CDK14: variants seen among roughly 807,000 people sequenced by gnomAD.
CDK14 encodes the protein cyclin dependent kinase 14.
Under a neutral mutation model 60.7 loss-of-function variants are expected in CDK14, and 34 were observed. That is an observed-to-expected ratio of 0.56 (90% CI 0.43 to 0.75). The LOEUF (loss-of-function observed/expected upper bound fraction) is 0.75. Among genes scored for constraint, CDK14 ranks in the 30% least tolerant of loss-of-function variants. CDK14 has a pLI of 0.00. For missense variants in CDK14, 482 were observed against 564.1 expected, an observed-to-expected ratio of 0.85 and a Z score of 1.47; for synonymous variants, 197 against 203.7, an observed-to-expected ratio of 0.97 and a Z score of 0.28.
At chr7:90,615,946 A>C (rs1177873364) in intron 2 of CDK14, among the ~76,000 whole-genome samples, 1 of 152,200 alleles carries the variant, frequency 6.6e-6, no homozygotes, top group Non-Finnish European at 1.5e-5. Flanking sequence ...ATATCCCTCA[A>C]GTGAGTTCAG....
intron 6 of CDK14, among the ~76,000 whole-genome samples, chr7:90,877,469 T>A (rs1046759262): frequency 3.3e-5 from 5 of 151,972 alleles, no homozygotes; most frequent in Admixed American, 6.6e-5. Context: ...GAATTTTCCA[T>A]CTTTTGGGTT....
chr7:90,984,683 T>C (rs1309874940), intron 10 of CDK14, among the ~76,000 whole-genome samples: 2 of 152,294 alleles, frequency 1.3e-5, no homozygotes, highest in East Asian at 3.9e-4. Context: ...TAAACAGTAC[T>C]TCCGTCAGGT....
Position 91,169,812 on chromosome 7 carries a change from A to T in CDK14, c.*29-37353A>T, listed in dbSNP as rs188690825. Among the ~76,000 whole-genome samples the T allele has an allele frequency of 3.9e-3, 600 of 152,346 alleles. 2 individuals carry two copies. The highest frequency in any genetic ancestry group is 6.8e-3 in the Non-Finnish European group (462 of 68,020). ...ATATTCTTCAGGTAGAAAAGAATGG[A>T]GGGAGGCTTTAGGCATGACTACCGT... On this transcript the variant is annotated intron_variant, in intron 14 of 14. Coordinates refer to ENST00000380050, the MANE Select transcript of CDK14 (RefSeq NM_001287135.2).
intron 2 of CDK14, among the ~76,000 whole-genome samples, chr7:90,704,398 T>G (rs1157268372): frequency 6.6e-6 from 1 of 152,218 alleles, no homozygotes; most frequent in African/African-American, 2.4e-5. Flanking sequence ...ATCCATTGTA[T>G]GCAAAATTGT....
chr7:91,007,182 G>A (rs756770670), intron 10 of CDK14, among the ~76,000 whole-genome samples: 1 of 152,158 alleles, frequency 6.6e-6, no homozygotes, highest in Non-Finnish European at 1.5e-5. Flanking sequence ...TCCCACCTTA[G>A]TGCCAGTGTT....
chr7:90,806,197 G>C (rs1246990233), intron 5 of CDK14, among the ~76,000 whole-genome samples: 4 of 152,080 alleles, frequency 2.6e-5, no homozygotes, highest in African/African-American at 2.4e-5. Flanking sequence ...AGGAAATCTG[G>C]TAGAAAATTT....
intron 2 of CDK14, among the ~76,000 whole-genome samples, chr7:90,652,400 G>A (rs1459882886): frequency 2.0e-5 from 3 of 152,112 alleles, no homozygotes; most frequent in African/African-American, 4.8e-5. Context: ...TAATAAATTC[G>A]TTACGCCTTT....
intron 6 of CDK14, among the ~76,000 whole-genome samples, 183 bp from the exon 7 acceptor site, chr7:90,899,108 A>G (rs1190430378): frequency 7.2e-5 from 11 of 151,946 alleles, no homozygotes; most frequent in Non-Finnish European, 2.9e-5. Flanking sequence ...GGGAAAAATA[A>G]TGATTCAATT....
chr7:90,610,480 TTAG>T (rs773749603), intron 2 of CDK14, among the ~76,000 whole-genome samples: 1 of 152,210 alleles, frequency 6.6e-6, no homozygotes, highest in Non-Finnish European at 1.5e-5. Flanking sequence ...CTTTCTTCTT[TTAG>T]TAGAAGGCTT....
chr7:90,820,137 TA>T (rs1789492227), intron 5 of CDK14, among the ~76,000 whole-genome samples: 1 of 152,204 alleles, frequency 6.6e-6, no homozygotes, highest in Non-Finnish European at 1.5e-5. Flanking sequence ...GAAGTTAATA[TA>T]TTTTTTAGTA....
At chr7:90,925,423 A>G (rs959532533) in intron 8 of CDK14, among the ~76,000 whole-genome samples, 1 of 152,242 alleles carries the variant, frequency 6.6e-6, no homozygotes, top group Non-Finnish European at 1.5e-5. Context: ...TAACTGAGGC[A>G]TAAGCAGAGG....
chr7:90,971,773 A>G (rs1794941629), intron 9 of CDK14, among the ~76,000 whole-genome samples: 1 of 152,160 alleles, frequency 6.6e-6, no homozygotes, highest in Non-Finnish European at 1.5e-5. Context: ...TAATAAATGT[A>G]CATAGTAATT....
At chr7:90,837,200 AAG>A (rs1254607910) in intron 5 of CDK14, among the ~76,000 whole-genome samples, 1 of 152,170 alleles carries the variant, frequency 6.6e-6, no homozygotes, top group Non-Finnish European at 1.5e-5. Context: ...AAGGTTGTAT[AAG>A]AGAAAGAATC....
intron 8 of CDK14, among the ~76,000 whole-genome samples, chr7:90,946,629 A>G (rs1222825755): frequency 1.3e-5 from 2 of 152,184 alleles, no homozygotes; most frequent in Non-Finnish European, 2.9e-5. Flanking sequence ...CTCTTAGTTC[A>G]TGTTTGAAAG....
intron 14 of CDK14, among the ~76,000 whole-genome samples, chr7:91,131,576 A>G (rs931849175): frequency 6.6e-6 from 1 of 152,158 alleles, no homozygotes; most frequent in Non-Finnish European, 1.5e-5. Flanking sequence ...TCTAAATGAA[A>G]ATGGGTGGAA....
At position 90,841,421 on chromosome 7, in the gene CDK14, T is replaced by C. The variant is rs60600373; in HGVS notation, c.545-21754T>C. Among the ~76,000 whole-genome samples the C allele has an allele frequency of 6.0e-3, 909 of 151,778 alleles. 15 individuals carry two copies. The highest frequency in any genetic ancestry group is 0.021 in the African/African-American group (860 of 41,148). ...CTATATGGGAACCCTCTGAACTTTC[T>C]GCTTACTTTTTTTTTGTAAACATAA... is the stretch of plus-strand genomic sequence containing the variant. On this transcript the variant is annotated intron_variant, in intron 5 of 14. Transcript: ENST00000380050.
intron 9 of CDK14, among the ~76,000 whole-genome samples, chr7:90,971,653 TAAAAAA>T (rs35135401): frequency 8.4e-6 from 1 of 119,540 alleles, no homozygotes; most frequent in African/African-American, 3.2e-5. Flanking sequence ...ATATACATAG[TAAAAAA>T]AAAAAAAAAA....
chr7:90,734,081 T>C (rs900699578), intron 3 of CDK14, among the ~76,000 whole-genome samples: 11 of 152,202 alleles, frequency 7.2e-5, no homozygotes, highest in African/African-American at 2.7e-4. Flanking sequence ...TTAGTTTAGC[T>C]GGATATGAAA....
At chr7:91,142,006 T>G (rs1800478852) in intron 14 of CDK14, among the ~76,000 whole-genome samples, 1 of 152,106 alleles carries the variant, frequency 6.6e-6, no homozygotes, top group Admixed American at 6.5e-5. Context: ...TTTGTATTTT[T>G]AGTAGAGACG....
Sources: gnomAD v4.1 joint callset for allele counts (sites outside exome capture counted in the v4.1 genomes callset) on GRCh38, gnomAD v4.1.1 for gene constraint, MANE v1.5 for transcripts, NCBI Gene and HGNC (gene_info 2026-07-23, HGNC 2026-07-21) for gene names.